NRG1: variants seen among roughly 807,000 people sequenced by gnomAD.
NRG1 encodes the protein neuregulin 1, also known as pro-neuregulin-1, membrane-bound isoform.
NRG1 carries 18 observed loss-of-function variants against 63.8 expected under a neutral mutation model. The ratio of observed to expected loss-of-function variants is 0.28; its 90% confidence interval spans 0.19 to 0.42. The LOEUF (loss-of-function observed/expected upper bound fraction) is 0.42. Among genes scored for constraint, NRG1 ranks in the 10% least tolerant of loss-of-function variants. NRG1 has a pLI of 1.00. For synonymous variants in NRG1, 302 were observed against 301.3 expected (o/e 1.00, Z -0.02); for missense variants, 762 against 814.7 (o/e 0.94, Z 0.79).
upstream of NRG1, among the ~76,000 whole-genome samples, chr8:32,547,566 A>C (rs559316738): frequency 5.3e-5 from 8 of 151,108 alleles, no homozygotes; most frequent in East Asian, 1.6e-3. Context: ...GGAAAAGCTG[A>C]AGATTTCTAA....
At chr8:32,734,406 C>A (rs527914648) in intron 6 of NRG1, among the ~76,000 whole-genome samples, 180 of 152,288 alleles carry the variant, frequency 1.2e-3, no homozygotes, top group Non-Finnish European at 2.1e-3. Flanking sequence ...AACTTCCAGT[C>A]TATAAGAACA....
At chr8:32,272,369 A>G (rs1851636916) in intron 1 of NRG1, among the ~76,000 whole-genome samples, 1 of 152,064 alleles carries the variant, frequency 6.6e-6, no homozygotes, top group Admixed American at 6.6e-5. Context: ...ATTTAAACCT[A>G]ATTACTTCCC....
At chr8:32,629,794 A>G (rs1180108144) in intron 5 of NRG1, among the ~76,000 whole-genome samples, 1 of 152,178 alleles carries the variant, frequency 6.6e-6, no homozygotes, top group African/African-American at 2.4e-5. Context: ...TTATTTCAGA[A>G]TCTACTTATT....
chr8:31,819,151 ATTGT>A (rs1823760526), intron 1 of NRG1, among the ~76,000 whole-genome samples: 1 of 152,084 alleles, frequency 6.6e-6, no homozygotes, highest in African/African-American at 2.4e-5. Flanking sequence ...AGGCAGGAGG[ATTGT>A]TTGAGTCCAG....
At position 32,631,712 on chromosome 8, in the gene NRG1, T is replaced by G. The variant is rs576910928; in HGVS notation, c.502+14827T>G. On this transcript the variant is annotated intron_variant, in intron 5 of 11. Transcript: ENST00000356819. ...TTATGGTATTTATAGTAGATATAAA[T>G]AAGATATAGAAAAAGAATATCTTTG... Among the ~76,000 whole-genome samples the G allele has an allele frequency of 2.6e-5, 4 of 152,312 alleles. No individual in the cohort carries two copies. In the South Asian group the frequency reaches 8.3e-4, roughly 32 times the overall value.
chr8:32,639,943 A>G (rs1852018399), intron 5 of NRG1, among the ~76,000 whole-genome samples: 1 of 152,148 alleles, frequency 6.6e-6, no homozygotes, highest in Admixed American at 6.5e-5. Context: ...ATCCATTATC[A>G]TTTTCATTAA....
At chr8:31,725,141 A>C (rs1359209642) in intron 1 of NRG1, among the ~76,000 whole-genome samples, 1 of 152,218 alleles carries the variant, frequency 6.6e-6, no homozygotes, top group East Asian at 1.9e-4. Context: ...GTATAAAAAC[A>C]TGTAGATTTG....
chr8:32,518,351 G>A (rs368922670), intron 1 of NRG1, among the ~76,000 whole-genome samples: 12 of 152,150 alleles, frequency 7.9e-5, no homozygotes, highest in African/African-American at 2.9e-4. Flanking sequence ...CCAGTGCCCA[G>A]AGCAGATAGA....
At position 32,395,583 on chromosome 8, in the gene NRG1, T is replaced by C. The variant is rs1041376007; in HGVS notation, c.38-200245T>C. ...AATCTTTTGCCCATTTATTAGGTTGTTTGTTTTCTTATATTGAGTTATAAC... is the reference window on the plus strand; with the variant it reads ...AATCTTTTGCCCATTTATTAGGTTGCTTGTTTTCTTATATTGAGTTATAAC... On this transcript the variant is annotated intron_variant, in intron 1 of 10. Coordinates refer to the NRG1 transcript ENST00000519301. 2.0e-5 allele frequency among the ~76,000 whole-genome samples: 3 copies of C among 151,688 alleles called. No homozygotes were observed. The East Asian group carries it at 5.8e-4, about 29-fold the overall frequency.
In NRG1 at chr8:32,756,390, T is replaced by C; in HGVS notation, c.795-13T>C. 6.2e-7 allele frequency: 1 copy of C among 1,600,100 alleles called. No homozygotes were observed. The highest frequency in any genetic ancestry group is 8.5e-7 in the Non-Finnish European group (1 of 1,175,968). The stretch of plus-strand genomic sequence containing the variant: ...AATCAAAAAAAAATAAATGCTCCCT[T>C]TCTTATGTCCAGGAAACAGCGGAAA... On this transcript the variant is annotated splice_polypyrimidine_tract_variant and intron_variant, in intron 8 of 11. Transcript: ENST00000356819.
At chr8:31,754,148 C>G (rs185507989) in intron 1 of NRG1, among the ~76,000 whole-genome samples, 82 of 152,170 alleles carry the variant, frequency 5.4e-4, no homozygotes, top group African/African-American at 1.9e-3. Flanking sequence ...TTACCTAGAG[C>G]TAGAAGGTAC....
chr8:32,547,590 A>AACACACACACACACACACACAC (rs33943729), upstream of NRG1, among the ~76,000 whole-genome samples: 5 of 148,492 alleles, frequency 3.4e-5, no homozygotes, highest in African/African-American at 1.2e-4. Context: ...GCACTTACTA[A>AACACACACACACACACACACAC]ACACACACAC....
intron 5 of NRG1, among the ~76,000 whole-genome samples, chr8:32,662,995 A>G (rs1027270767): frequency 6.6e-6 from 1 of 152,208 alleles, no homozygotes; most frequent in African/African-American, 2.4e-5. Context: ...ACAAAAGAAA[A>G]GTTGCAGTGA....
chr8:32,144,402 T>A (rs545477495), intron 1 of NRG1, among the ~76,000 whole-genome samples: 44 of 152,226 alleles, frequency 2.9e-4, no homozygotes, highest in African/African-American at 1.0e-3. Flanking sequence ...TGTGTGTGTG[T>A]GTATGTGTTG....
At chr8:32,722,083 G>A (rs1820801335) in intron 5 of NRG1, 1 of 1,430,098 alleles carries the variant, frequency 7.0e-7, no homozygotes, top group Middle Eastern at 1.8e-4. Context: ...GTGACTAGCA[G>A]TTTAATATTC....
intron 1 of NRG1, among the ~76,000 whole-genome samples, chr8:31,645,812 A>C (rs1804232067): frequency 6.6e-6 from 1 of 152,234 alleles, no homozygotes; most frequent in Non-Finnish European, 1.5e-5. Context: ...AAAATCAAAA[A>C]GAAGAAATGT....
In NRG1 at chr8:32,760,763, A is replaced by G. The variant is rs1479275985; in HGVS notation, c.1259+357A>G. 1.7e-5 allele frequency: 17 copies of G among 1,026,562 alleles called. No homozygotes were observed. In the Admixed American group the frequency reaches 8.0e-4, roughly 48 times the overall value. 63.6% of individuals were successfully genotyped at this position (1,026,562 alleles called of 1,614,324 possible). A position where few individuals can be genotyped will look rare whatever the true frequency, so the allele number is the denominator to read the frequency against. ...GAGATGGCATCAATGCTTGATAAGG[A>G]CCCTTCTATAATTCCAATTGCCAGT... On this transcript the variant is annotated intron_variant, in intron 11 of 11. Coordinates refer to ENST00000356819, the Ensembl canonical transcript of NRG1.
At chr8:31,826,604 A>G (rs1390104621) in intron 1 of NRG1, among the ~76,000 whole-genome samples, 1 of 151,880 alleles carries the variant, frequency 6.6e-6, no homozygotes, top group African/African-American at 2.4e-5. Context: ...ATGGACTAAT[A>G]CACTTTACTA....
chr8:32,484,052 A>G (rs1158419873), intron 1 of NRG1, among the ~76,000 whole-genome samples: 2 of 151,802 alleles, frequency 1.3e-5, no homozygotes, highest in Non-Finnish European at 2.9e-5. Context: ...GCAGTGAGCC[A>G]AGATCGCACC....
Sources: allele counts gnomAD v4.1 joint callset (sites outside exome capture counted in the v4.1 genomes callset), GRCh38; gene constraint gnomAD v4.1.1; transcripts MANE v1.5; gene names NCBI Gene and HGNC (gene_info 2026-07-23, HGNC 2026-07-21).